The following CTPS1 variants were observed in gnomAD, a reference collection of about 807,000 sequenced individuals.
The protein encoded by CTPS1 is CTP synthase 1.
Under a neutral mutation model 80.5 loss-of-function variants are expected in CTPS1, and 25 were observed. That is an observed-to-expected ratio of 0.31 (90% confidence interval 0.23 to 0.43). The LOEUF (loss-of-function observed/expected upper bound fraction) is 0.43, where lower values mean the gene tolerates loss of function less well. Among genes scored for constraint, CTPS1 ranks in the 20% least tolerant of loss-of-function variants. CTPS1 has a pLI of 1.00. For missense variants in CTPS1, 442 were observed against 725.7 expected (o/e 0.61, Z 4.49); for synonymous variants, 267 against 252.5 (o/e 1.06, Z -0.54).
chr1:40,988,153 A>T (rs892482301), intron 4 of CTPS1, among the ~76,000 whole-genome samples: 2 of 152,160 alleles, frequency 1.3e-5, no homozygotes, highest in Admixed American at 6.5e-5. Context: ...AACTCAAGCC[A>T]TCTGCCTGCC....
intron 11 of CTPS1, among the ~76,000 whole-genome samples, chr1:41,002,890 A>G (rs1005904134): frequency 1.3e-5 from 2 of 152,202 alleles, no homozygotes; most frequent in African/African-American, 4.8e-5. Context: ...CTAAAATCGG[A>G]TAACTTTGCA....
rs2148385591 is a variant in CTPS1, at chr1:40,983,287, TA to T, written c.1del. On this transcript the variant is annotated 5_prime_UTR_variant, in exon 2 of 19. Transcript: ENST00000650070. Reference sequence around the variant, plus strand: ...TTTTTCCTTCTTCCAGGTCAAAGAGTAAAATGAAGTACATTCTGGTTACTGG... The same window carrying T: ...TTTTTCCTTCTTCCAGGTCAAAGAGTAAATGAAGTACATTCTGGTTACTGG... 1 of 1,611,462 alleles carries T rather than the reference TA, an allele frequency of 6.2e-7. No homozygotes were observed. Among genetic ancestry groups the T allele is most frequent in the Non-Finnish European group, 8.5e-7 (1 of 1,178,522 alleles).
chr1:40,995,215 A>AATT (rs1211721360), intron 7 of CTPS1, among the ~76,000 whole-genome samples: 6 of 151,906 alleles, frequency 3.9e-5, no homozygotes, highest in Admixed American at 1.3e-4. Context: ...TTGGATCATG[A>AATT]ATTATTATTA....
At chr1:40,992,927 C>T (rs1337732603) in intron 7 of CTPS1, among the ~76,000 whole-genome samples, 1 of 152,070 alleles carries the variant, frequency 6.6e-6, no homozygotes, top group Non-Finnish European at 1.5e-5. Flanking sequence ...GTCCTGACCT[C>T]AGGTGATCCA....
chr1:40,982,413 G>T (rs1387546776), intron 1 of CTPS1, among the ~76,000 whole-genome samples: 2 of 150,424 alleles, frequency 1.3e-5, no homozygotes, highest in African/African-American at 2.4e-5. Flanking sequence ...TTTTTTTGAG[G>T]TAGTCTTATT....
chr1:41,002,459 T>C (rs1384700697), intron 11 of CTPS1, among the ~76,000 whole-genome samples: 1 of 152,178 alleles, frequency 6.6e-6, no homozygotes, highest in Non-Finnish European at 1.5e-5. Context: ...TACATGTAGA[T>C]GTCGTGGAAT....
rs1227314725 is a variant in CTPS1, at chr1:41,009,377, A to G, written c.1547-68A>G. 3 of 1,437,322 alleles carry G rather than the reference A, an allele frequency of 2.1e-6. No homozygotes were observed. The Admixed American group carries it at 7.4e-5, about 35-fold the overall frequency. The allele number at this position is 1,437,322 out of a possible 1,614,324, so 89.0% of individuals were successfully genotyped here. A position where few individuals can be genotyped will look rare whatever the true frequency, so the allele number is the denominator to read the frequency against. On this transcript the variant is annotated intron_variant, in intron 16 of 18. Transcript: ENST00000650070. ...CCTATGGAAACAAACATTTAAGCAG[A>G]TTTTGTTCTTTTACACTTTGTGCAT...
chr1:41,000,924 A>G, intron 9 of CTPS1, 105 bp from the exon 10 acceptor site: 1 of 651,406 alleles, frequency 1.5e-6, no homozygotes, highest in Non-Finnish European at 2.5e-6. Context: ...TAAAGCCAGA[A>G]TCAAGAAAGA....
In CTPS1 at chr1:41,009,655, A is replaced by G. The variant is rs1180399265; in HGVS notation, c.1691+66A>G. 6.4e-6 allele frequency: 10 copies of G among 1,572,642 alleles called. No individual in the cohort carries two copies. The East Asian group carries it at 2.3e-4, about 36-fold the overall frequency. On this transcript the variant is annotated intron_variant, in intron 17 of 18. Coordinates refer to ENST00000650070, the MANE Select transcript of CTPS1 (RefSeq NM_001905.4). ...TAGTCCTTTAGGTGGTCGCTGATTCATTACAGCAACACGTCACAGTCAGTC... is the reference window on the plus strand; with the variant it reads ...TAGTCCTTTAGGTGGTCGCTGATTCGTTACAGCAACACGTCACAGTCAGTC...
intron 13 of CTPS1, 95 bp downstream of exon 13, chr1:41,006,189 C>CT (rs1163004250): frequency 1.8e-5 from 19 of 1,056,474 alleles, no homozygotes; most frequent in Non-Finnish European, 2.8e-5. Flanking sequence ...AGTGAGACTG[C>CT]TTGAGTCCAT....
At chr1:41,005,878 T>G (rs1302665178) in intron 12 of CTPS1, among the ~76,000 whole-genome samples, 173 bp from the exon 13 acceptor site, 1 of 152,208 alleles carries the variant, frequency 6.6e-6, no homozygotes, top group Non-Finnish European at 1.5e-5. Flanking sequence ...CACTCCAGCC[T>G]GGACAACAGT....
Position 40,996,066 on chromosome 1 carries a change from C to T in CTPS1, c.870C>T (p.Asp290=). The part of the protein sequence containing the change: ...KMLMKWKEMA[D]RYDRLLETCS... ...TGATGAAATGGAAAGAGATGGCTGA[C>T]AGGTTTGCCTGCAATGAGGAGCTGG... Residue 290 remains aspartate, a splice_region_variant and synonymous_variant, in exon 8 of 19, where the codon GAC becomes GAT. Coordinates refer to ENST00000650070, the MANE Select transcript of CTPS1 (RefSeq NM_001905.4). 6.2e-7 allele frequency: 1 copy of T among 1,614,130 alleles called. No individual in the cohort carries two copies. The highest frequency in any genetic ancestry group is 1.7e-5 in the Admixed American group (1 of 60,024).
chr1:41,006,165 G>T, intron 13 of CTPS1, 71 bp downstream of exon 13: 2 of 1,294,772 alleles, frequency 1.5e-6, no homozygotes, highest in South Asian at 1.2e-5. Context: ...CGTGATTGAT[G>T]ATTAGAGACA....
At chr1:40,997,343 A>G (rs757361723) in intron 8 of CTPS1, 51 bp from the exon 9 acceptor site, 1 of 1,582,890 alleles carries the variant, frequency 6.3e-7, no homozygotes, top group South Asian at 1.2e-5. Flanking sequence ...TGGTCTCATG[A>G]TAGCGTGTAC....
At position 41,007,479 on chromosome 1, in the gene CTPS1, C is replaced by A. The variant is rs777839795; in HGVS notation, c.1327C>A (p.Gln443Lys). The A allele has an allele frequency of 3.7e-6, 6 of 1,614,010 alleles. No individual in the cohort carries two copies. The highest frequency in any genetic ancestry group is 5.1e-6 in the Non-Finnish European group (6 of 1,180,044). The change falls in exon 14 of 19, where the codon CAG (glutamine) becomes AAG (lysine). Residue 443 changes from glutamine to lysine, a missense_variant. Gln to Lys is a moderately conservative substitution (Grantham distance 53). Transcript: ENST00000650070. This position sits in a 1 kb window ranked among gnomAD's most constrained non-coding sequence, Gnocchi z 4.4. ...AGACATGCCAGAACACAACCCAGGG[C>A]AGATGGGCGGAACCATGAGGCTGGG... ...VVDMPEHNPG[Q>K]MGGTMRLGKR...
At chr1:40,983,535 A>G (rs1420464813) in intron 2 of CTPS1, 79 bp downstream of exon 2, 7 of 1,254,996 alleles carry the variant, frequency 5.6e-6, no homozygotes, top group Admixed American at 2.2e-5. Context: ...CACGGTTTGC[A>G]TAACTTTTAT....
At chr1:40,991,664 T>C in intron 6 of CTPS1, 101 bp from the exon 7 acceptor site, 3 of 760,820 alleles carry the variant, frequency 3.9e-6, no homozygotes, top group Non-Finnish European at 6.8e-6. Context: ...ACGTTTTCGT[T>C]CATCTTAACA....
chr1:41,010,955 G>A (rs544891578), intron 18 of CTPS1, among the ~76,000 whole-genome samples: 4 of 152,204 alleles, frequency 2.6e-5, no homozygotes, highest in Admixed American at 1.3e-4. Flanking sequence ...AAATGAGGGA[G>A]TGTCAGTCAT....
rs1198920342 is a variant in CTPS1 at position 40,983,463 on chromosome 1, A to G, written c.166+7A>G. 1.9e-6 allele frequency: 3 copies of G among 1,594,584 alleles called. No individual in the cohort carries two copies. Among genetic ancestry groups the G allele is most frequent in the South Asian group, 1.1e-5 (1 of 89,426 alleles). ...TTCTCTCCTTATGAGCATGGTAAGC[A>G]CAGTGGATTTCTTCATAATAATTGC... On this transcript the variant is annotated splice_region_variant and intron_variant, in intron 2 of 18. Coordinates refer to ENST00000650070, the MANE Select transcript of CTPS1 (RefSeq NM_001905.4).
Sources: gnomAD v4.1 joint callset for allele counts (sites outside exome capture counted in the v4.1 genomes callset) on GRCh38, gnomAD v4.1.1 for gene constraint, Gnocchi (gnomAD v3.1) non-coding constraint, MANE v1.5 for transcripts, NCBI Gene and HGNC (gene_info 2026-07-23, HGNC 2026-07-21) for gene names.